Variants in NAV2 observed in about 807,000 individuals in gnomAD.
NAV2 encodes the protein neuron navigator 2.
A neutral mutation model predicts 223.2 loss-of-function variants in NAV2; 54 were observed. The ratio of observed to expected loss-of-function variants is 0.24; its 90% CI spans 0.19 to 0.30. The LOEUF is 0.30. Ranked by LOEUF, NAV2 falls within the 10% of genes least tolerant of loss-of-function variation. The probability of loss-of-function intolerance (pLI) is 1.00; values close to 1 mark genes in which losing one functional copy is unlikely to be tolerated. For missense variants in NAV2, 2,806 were observed against 3,147.5 expected (o/e 0.89, Z 2.60); for synonymous variants, 1,279 against 1,239.3 (o/e 1.03, Z -0.67).
intron 36 of NAV2, among the ~76,000 whole-genome samples, chr11:20,111,431 T>A (rs1322911525): frequency 6.6e-6 from 1 of 152,210 alleles, no homozygotes; most frequent in Non-Finnish European, 1.5e-5. Context: ...CTTACCACAG[T>A]ACTTACCCAG....
intron 1 of NAV2, among the ~76,000 whole-genome samples, chr11:19,414,882 G>A (rs1850299269): frequency 6.6e-6 from 1 of 152,152 alleles, no homozygotes; most frequent in South Asian, 2.1e-4. Context: ...AAATAAATAA[G>A]TTATTTGAAA....
At chr11:19,667,945 C>A (rs1437906813) in intron 1 of NAV2, among the ~76,000 whole-genome samples, 1 of 152,182 alleles carries the variant, frequency 6.6e-6, no homozygotes, top group African/African-American at 2.4e-5. Context: ...TGTGTTTTAG[C>A]ACTCTCGTCC....
At chr11:19,593,034 G>A (rs1284965973) in intron 1 of NAV2, among the ~76,000 whole-genome samples, 2 of 152,130 alleles carry the variant, frequency 1.3e-5, no homozygotes, top group East Asian at 3.9e-4. Flanking sequence ...TTTCTCACTT[G>A]TGTAAAATTG....
chr11:19,980,913 C>T (rs921433594), intron 10 of NAV2, among the ~76,000 whole-genome samples: 5 of 152,094 alleles, frequency 3.3e-5, no homozygotes, highest in African/African-American at 9.7e-5. Flanking sequence ...TGTGCCGTCT[C>T]CCAAGGAGAG....
intron 11 of NAV2, among the ~76,000 whole-genome samples, chr11:20,015,782 AT>A (rs1296350888): frequency 6.6e-6 from 1 of 152,194 alleles, no homozygotes; most frequent in Admixed American, 6.5e-5. Flanking sequence ...ATAGTGTGGA[AT>A]TTGGTAAATG....
chr11:19,614,610 G>T (rs955827329), intron 1 of NAV2, among the ~76,000 whole-genome samples: 1 of 152,096 alleles, frequency 6.6e-6, no homozygotes, highest in African/African-American at 2.4e-5. Flanking sequence ...AATGTCCATA[G>T]TTCACATTAG....
rs1367269589 is a variant in NAV2 at position 19,395,176 on chromosome 11, T to C, written c.75+44149T>C. Among the ~76,000 whole-genome samples, 7 of 152,350 alleles carry C rather than the reference T, an allele frequency of 4.6e-5. 1 individual carries two copies. The highest frequency in any genetic ancestry group is 4.6e-4 in the Admixed American group (7 of 15,314). ...CTGTGAGCATGTGCCCATGTGCACG[T>C]GTGAGGCCATGGCTACACCTGAGTG... On this transcript the variant is annotated intron_variant, in intron 1 of 37. Transcript: ENST00000360655.
At chr11:20,082,156 G>A (rs940399063) in intron 25 of NAV2, among the ~76,000 whole-genome samples, 10 of 152,164 alleles carry the variant, frequency 6.6e-5, no homozygotes, top group Admixed American at 6.5e-5. Flanking sequence ...AAACTCCTAA[G>A]TGGATAGGTT....
chr11:19,640,040 T>TA (rs1393364552), intron 1 of NAV2, among the ~76,000 whole-genome samples: 2 of 152,234 alleles, frequency 1.3e-5, no homozygotes, highest in Non-Finnish European at 2.9e-5. Flanking sequence ...GCTCTGTGAC[T>TA]ACCAGTGAAG....
intron 1 of NAV2, among the ~76,000 whole-genome samples, chr11:19,583,771 C>T (rs537372810): frequency 8.5e-5 from 13 of 152,252 alleles, no homozygotes; most frequent in South Asian, 4.1e-4. Flanking sequence ...CTGCTGGATT[C>T]GGTTTGCCAG....
At chr11:19,868,000 A>G (rs1035267942) in intron 3 of NAV2, among the ~76,000 whole-genome samples, 2 of 152,172 alleles carry the variant, frequency 1.3e-5, no homozygotes, top group Non-Finnish European at 2.9e-5. Context: ...GTGGAAGGCA[A>G]TCATTTATTA....
chr11:19,761,800 A>C (rs2152543807), intron 1 of NAV2, among the ~76,000 whole-genome samples: 1 of 152,268 alleles, frequency 6.6e-6, no homozygotes, highest in African/African-American at 2.4e-5. Context: ...CCTACCATTG[A>C]GTTCTGTTGG....
chr11:19,941,641 C>T (rs1201796540), intron 8 of NAV2, among the ~76,000 whole-genome samples: 2 of 151,994 alleles, frequency 1.3e-5, no homozygotes, highest in Non-Finnish European at 2.9e-5. Flanking sequence ...TTGAGAAATG[C>T]ATCTTGCATG....
At position 19,534,669 on chromosome 11, in the gene NAV2, G is replaced by A. The variant is rs945348012; in HGVS notation, c.75+183642G>A. 7.4e-4 allele frequency among the ~76,000 whole-genome samples: 112 copies of A among 152,322 alleles called. 2 individuals are homozygous for A. The highest frequency in any genetic ancestry group is 2.6e-3 in the African/African-American group (106 of 41,564). On this transcript the variant is annotated intron_variant, in intron 1 of 37. Coordinates refer to the NAV2 transcript ENST00000360655. The stretch of plus-strand genomic sequence containing the variant: ...GGGAGCAGGGAAGGAGCAATGGCAT[G>A]GAACTTGGAGCAGCAGGGCTCCCTG...
intron 1 of NAV2, among the ~76,000 whole-genome samples, chr11:19,494,963 C>T (rs1229286005): frequency 6.6e-6 from 1 of 152,176 alleles, no homozygotes; most frequent in Non-Finnish European, 1.5e-5. Context: ...TGGGACTGAC[C>T]TCTGTCCTCA....
At chr11:19,723,228 T>C (rs1025155495) in intron 1 of NAV2, among the ~76,000 whole-genome samples, 5 of 152,242 alleles carry the variant, frequency 3.3e-5, no homozygotes, top group African/African-American at 9.6e-5. Flanking sequence ...CAACCATTTA[T>C]GTGCCATTTC....
chr11:20,051,429 T>G (rs1336620374), intron 17 of NAV2, 96 bp downstream of exon 17: 11 of 1,183,382 alleles, frequency 9.3e-6, no homozygotes, highest in Non-Finnish European at 1.4e-5. Context: ...TGGGCTGGGC[T>G]GGGGTCCCCG....
At chr11:19,557,161 C>T (rs1018873618) in intron 1 of NAV2, among the ~76,000 whole-genome samples, 1 of 152,130 alleles carries the variant, frequency 6.6e-6, no homozygotes, top group Non-Finnish European at 1.5e-5. Flanking sequence ...TCTCAGATGC[C>T]ATATCATTTA....
At chr11:19,767,994 T>G (rs1039843063) in intron 1 of NAV2, among the ~76,000 whole-genome samples, 1 of 152,248 alleles carries the variant, frequency 6.6e-6, no homozygotes, top group African/African-American at 2.4e-5. Context: ...CAGAGCCTGA[T>G]GTTTACCAGC....
Sources: allele counts gnomAD v4.1 joint callset (sites outside exome capture counted in the v4.1 genomes callset), GRCh38; gene constraint gnomAD v4.1.1; transcripts MANE v1.5; gene names NCBI Gene and HGNC (gene_info 2026-07-23, HGNC 2026-07-21).